The following CHRM3 variants were observed in gnomAD, a reference collection of about 807,000 sequenced individuals.
CHRM3 encodes the protein muscarinic acetylcholine receptor M3.
CHRM3 carries 11 observed loss-of-function variants against 41.8 expected under a neutral mutation model. The observed-to-expected ratio is 0.26, with a 90% CI of 0.17 to 0.44. CHRM3 has a LOEUF of 0.44. Ranked by LOEUF, CHRM3 falls within the 20% of genes least tolerant of loss-of-function variation. The pLI, the probability that CHRM3 is intolerant of heterozygous loss-of-function variation, is 1.00. For missense variants in CHRM3, 571 were observed against 745.4 expected (o/e 0.77, Z 2.72); for synonymous variants, 297 against 301.4 (o/e 0.99, Z 0.15).
intron 6 of CHRM3, among the ~76,000 whole-genome samples, chr1:239,878,343 G>A (rs71644993): frequency 0.01 from 1,572 of 152,088 alleles, 11 homozygotes; most frequent in Middle Eastern, 0.024. Context: ...TAGATCCTTC[G>A]CAAATGCAGT....
chr1:239,535,354 T>C (rs1310523044), intron 2 of CHRM3, among the ~76,000 whole-genome samples: 1 of 151,840 alleles, frequency 6.6e-6, no homozygotes, highest in East Asian at 1.9e-4. Context: ...ATGTATGTTG[T>C]CTTCTCTCTC....
intron 2 of CHRM3, among the ~76,000 whole-genome samples, chr1:239,512,984 A>T (rs1444217801): frequency 6.6e-6 from 1 of 152,122 alleles, no homozygotes; most frequent in African/African-American, 2.4e-5. Context: ...TGAGAGATAT[A>T]TGTTCTCATG....
At chr1:239,573,346 A>G (rs541607681) in intron 3 of CHRM3, among the ~76,000 whole-genome samples, 8 of 152,326 alleles carry the variant, frequency 5.3e-5, no homozygotes, top group Admixed American at 4.6e-4. Context: ...TTAAAATGTA[A>G]TCAAGAAAAG....
intron 6 of CHRM3, among the ~76,000 whole-genome samples, chr1:239,844,307 T>C (rs1195266093): frequency 6.6e-6 from 1 of 152,154 alleles, no homozygotes; most frequent in Non-Finnish European, 1.5e-5. Flanking sequence ...ATGTAAAAAA[T>C]CAAGGTTTAG....
chr1:239,701,083 C>T (rs1024587990), intron 5 of CHRM3, among the ~76,000 whole-genome samples: 2 of 152,172 alleles, frequency 1.3e-5, no homozygotes, highest in African/African-American at 4.8e-5. Context: ...TTAATAATAA[C>T]TAAAGTTCCT....
intron 6 of CHRM3, among the ~76,000 whole-genome samples, chr1:239,859,819 T>TATATATATATATATA (rs1675465542): frequency 7.6e-6 from 1 of 131,424 alleles, no homozygotes; most frequent in Non-Finnish European, 1.6e-5. Flanking sequence ...TCTAAGTGTT[T>TATATATATATATATA]TATATATATA....
intron 3 of CHRM3, among the ~76,000 whole-genome samples, chr1:239,588,980 C>G (rs534085040): frequency 6.6e-6 from 1 of 152,088 alleles, no homozygotes; most frequent in East Asian, 1.9e-4. Flanking sequence ...GTCCCCCAAG[C>G]TGGAGTGCCA....
intron 6 of CHRM3, among the ~76,000 whole-genome samples, chr1:239,875,219 C>T (rs1677020202): frequency 6.6e-6 from 1 of 152,122 alleles, no homozygotes; most frequent in Non-Finnish European, 1.5e-5. Context: ...ACCCATGAGG[C>T]TTGAGAGCAG....
intron 1 of CHRM3, among the ~76,000 whole-genome samples, chr1:239,412,743 G>A (rs1340284119): frequency 2.0e-5 from 3 of 152,030 alleles, no homozygotes; most frequent in Non-Finnish European, 2.9e-5. Flanking sequence ...TGTAGAACAT[G>A]TTAAGAGCTT....
At chr1:239,802,232 G>C (rs548639730) in intron 5 of CHRM3, among the ~76,000 whole-genome samples, 1 of 152,030 alleles carries the variant, frequency 6.6e-6, no homozygotes, top group African/African-American at 2.4e-5. Flanking sequence ...CAAAAACCTT[G>C]AATTTTATCT....
intron 5 of CHRM3, among the ~76,000 whole-genome samples, chr1:239,688,655 G>A (rs1175431730): frequency 8.6e-6 from 1 of 115,726 alleles, no homozygotes; most frequent in African/African-American, 3.4e-5. Flanking sequence ...TATATTACTC[G>A]GTATAATATA....
chr1:239,387,646 G>A lies in CHRM3; in HGVS notation c.-521+419G>A, dbSNP rs529818309. Among the ~76,000 whole-genome samples, 4 of 152,106 alleles carry A rather than the reference G, an allele frequency of 2.6e-5. No individual in the cohort carries two copies. The highest frequency in any genetic ancestry group is 2.6e-4 in the Admixed American group (4 of 15,264). ...CGAGCATGAGGAGCTACTGGGCTCCGGGTGTGTTTGTGAGCGCACTCGTGT... is the reference window on the plus strand; with the variant it reads ...CGAGCATGAGGAGCTACTGGGCTCCAGGTGTGTTTGTGAGCGCACTCGTGT... On this transcript the variant is annotated intron_variant, in intron 1 of 6. Transcript: ENST00000676153. The surrounding 1 kb of genome is among the most constrained non-coding windows in gnomAD (Gnocchi z 5.1).
intron 5 of CHRM3, among the ~76,000 whole-genome samples, chr1:239,784,391 A>G (rs2148820456): frequency 6.6e-6 from 1 of 152,148 alleles, no homozygotes; most frequent in Non-Finnish European, 1.5e-5. Flanking sequence ...TTCTTAGTAT[A>G]TCAGTTTTAC....
At chr1:239,567,905 G>A (rs1206781754) in intron 3 of CHRM3, among the ~76,000 whole-genome samples, 1 of 152,076 alleles carries the variant, frequency 6.6e-6, no homozygotes, top group Non-Finnish European at 1.5e-5. Flanking sequence ...CACCTCTCTG[G>A]TTCCTGCTGG....
intron 2 of CHRM3, among the ~76,000 whole-genome samples, chr1:239,513,794 A>C (rs2148215004): frequency 6.6e-6 from 1 of 152,304 alleles, no homozygotes; most frequent in African/African-American, 2.4e-5. Flanking sequence ...CATTTTGGAT[A>C]AAATTTTATA....
At chr1:239,598,051 A>C (rs940104751) in intron 3 of CHRM3, among the ~76,000 whole-genome samples, 15 of 152,102 alleles carry the variant, frequency 9.9e-5, no homozygotes, top group Non-Finnish European at 2.1e-4. Context: ...AACATGGCAC[A>C]TAGAAAACAC....
chr1:239,594,726 G>T (rs1237980185), intron 3 of CHRM3, among the ~76,000 whole-genome samples: 2 of 152,198 alleles, frequency 1.3e-5, no homozygotes, highest in Admixed American at 6.5e-5. Flanking sequence ...AGTCTTTTAA[G>T]AAAGGTAATA....
intron 1 of CHRM3, among the ~76,000 whole-genome samples, chr1:239,431,970 G>C (rs1328584795): frequency 6.6e-6 from 1 of 152,010 alleles, no homozygotes; most frequent in Non-Finnish European, 1.5e-5. Context: ...TAGGAACCAG[G>C]CTCCCAGGTG....
At chr1:239,607,711 A>G (rs752882302) in intron 3 of CHRM3, among the ~76,000 whole-genome samples, 9 of 152,216 alleles carry the variant, frequency 5.9e-5, no homozygotes, top group African/African-American at 9.7e-5. Context: ...ATGTGTGTAT[A>G]TCACACATTA....
Sources: gnomAD v4.1 joint callset for allele counts (sites outside exome capture counted in the v4.1 genomes callset) on GRCh38, gnomAD v4.1.1 for gene constraint, Gnocchi (gnomAD v3.1) non-coding constraint, MANE v1.5 for transcripts, NCBI Gene and HGNC (gene_info 2026-07-23, HGNC 2026-07-21) for gene names.